Variants in PDPK1 observed in about 807,000 individuals in gnomAD.
PDPK1 encodes the protein 3-phosphoinositide dependent protein kinase 1.
A neutral mutation model predicts 39.8 loss-of-function variants in PDPK1; 7 were observed. The ratio of observed to expected loss-of-function variants is 0.18; its 90% CI spans 0.10 to 0.33. PDPK1 has a LOEUF of 0.33. Ranked by LOEUF, PDPK1 falls within the 10% of genes least tolerant of loss-of-function variation. PDPK1 has a pLI of 1.00. For synonymous variants in PDPK1, 118 were observed against 159.1 expected, an observed-to-expected ratio of 0.74 and a Z score of 1.95; for missense variants, 182 against 384.7, an observed-to-expected ratio of 0.47 and a Z score of 4.41.
intron 11 of PDPK1, among the ~76,000 whole-genome samples, chr16:2,588,812 G>A (rs905523063): frequency 1.4e-4 from 21 of 151,828 alleles, no homozygotes; most frequent in African/African-American, 4.8e-4. Flanking sequence ...GGTCAGGGCA[G>A]TTTTTTTTGT....
At position 2,601,841 on chromosome 16, in the gene PDPK1, T is replaced by A. The variant is rs2142020528; in HGVS notation, c.*4074T>A. 1 of 231,080 alleles carries A rather than the reference T, an allele frequency of 4.3e-6. No individual in the cohort carries two copies. Among genetic ancestry groups the A allele is most frequent in the South Asian group, 1.8e-4 (1 of 5,486 alleles). 14.3% of individuals were successfully genotyped at this position (231,080 alleles called of 1,614,324 possible). ...ACTCCCTGCCCACAGTGTTGCAGAT[T>A]GCCTGGCTGGCAGCAAGTCCAGACC... On this transcript the variant is annotated 3_prime_UTR_variant, in exon 14 of 14. Transcript: ENST00000342085.
chr16:2,588,630 T>C (rs1166701236), intron 11 of PDPK1, among the ~76,000 whole-genome samples: 1 of 152,142 alleles, frequency 6.6e-6, no homozygotes, highest in East Asian at 1.9e-4. Context: ...CTGCTTCCTT[T>C]GTCTTCAGGT....
intron 10 of PDPK1, among the ~76,000 whole-genome samples, chr16:2,584,898 G>C (rs1192302514): frequency 6.6e-6 from 1 of 152,206 alleles, no homozygotes; most frequent in Non-Finnish European, 1.5e-5. Context: ...CCCCCACCCT[G>C]TGTGCCACTC....
At chr16:2,552,364 T>G (rs1376313700) in intron 1 of PDPK1, among the ~76,000 whole-genome samples, 1 of 151,374 alleles carries the variant, frequency 6.6e-6, no homozygotes, top group African/African-American at 2.4e-5. Flanking sequence ...ACATATTTTA[T>G]GAAACAAAAT....
chr16:2,587,517 C>G (rs1023568699), intron 11 of PDPK1, among the ~76,000 whole-genome samples: 2 of 151,288 alleles, frequency 1.3e-5, no homozygotes, highest in Non-Finnish European at 3.0e-5. Flanking sequence ...TATTTTGCAT[C>G]TTTTTTTTTG....
At position 2,538,932 on chromosome 16, in the gene PDPK1, G is replaced by A. The variant is rs144854508; in HGVS notation, c.24+796G>A. 277 of 413,920 alleles carry A rather than the reference G, an allele frequency of 6.7e-4. 1 individual carries two copies. Among genetic ancestry groups the A allele is most frequent in the African/African-American group, 5.5e-3 (264 of 48,260 alleles). The allele number at this position is 413,920 out of a possible 1,614,324, so 25.6% of individuals were successfully genotyped here. A position where few individuals can be genotyped will look rare whatever the true frequency, so the allele number is the denominator to read the frequency against. On this transcript the variant is annotated intron_variant, in intron 1 of 13. Coordinates refer to ENST00000342085, the MANE Select transcript of PDPK1 (RefSeq NM_002613.5). ...CTAAGTTCTACAGTCTGGGGACGAC[G>A]GTTTAAAAATTTATGCCTTGTATGC... is the stretch of plus-strand genomic sequence containing the variant.
chr16:2,556,387 G>A (rs866273591), intron 1 of PDPK1, among the ~76,000 whole-genome samples: 94 of 114,448 alleles, frequency 8.2e-4, no homozygotes, highest in Non-Finnish European at 1.2e-3. Context: ...TTTTTGAGAC[G>A]AAATTTCACT....
chr16:2,580,166 C>T (rs1405590366), intron 7 of PDPK1, among the ~76,000 whole-genome samples: 1 of 145,746 alleles, frequency 6.9e-6, no homozygotes, highest in Non-Finnish European at 1.5e-5. Context: ...TGGGCGCTTC[C>T]CCAGGTCATT....
chr16:2,587,725 G>A (rs764570737), intron 11 of PDPK1, among the ~76,000 whole-genome samples: 3 of 152,136 alleles, frequency 2.0e-5, no homozygotes, highest in Non-Finnish European at 2.9e-5. Flanking sequence ...GGCCAGGCTG[G>A]TGCCTCTTTT....
intron 11 of PDPK1, among the ~76,000 whole-genome samples, chr16:2,587,328 G>A (rs552528188): frequency 3.9e-5 from 6 of 152,296 alleles, no homozygotes; most frequent in African/African-American, 1.2e-4. Flanking sequence ...GATCTGTCGC[G>A]GGGGCGCCAG....
rs1027260637 is a variant in PDPK1 at position 2,597,523 on chromosome 16, G to A, written c.1555-128G>A. 1.3e-6 allele frequency: 1 copy of A among 760,822 alleles called. No individual in the cohort carries two copies. The highest frequency in any genetic ancestry group is 2.3e-6 in the Non-Finnish European group (1 of 426,370). The allele number at this position is 760,822 out of a possible 1,614,324, so 47.1% of individuals were successfully genotyped here. ...CAGCCTGTGTAGTTGCTTACTGCTT[G>A]TGTGAATAACCGTCACACCCACGTG... On this transcript the variant is annotated intron_variant, in intron 13 of 13. Transcript: ENST00000342085. The surrounding 1 kb of genome is among the most constrained non-coding windows in gnomAD (Gnocchi z 6.3).
At chr16:2,576,969 C>T (rs2066722501) in intron 6 of PDPK1, 2 of 225,376 alleles carry the variant, frequency 8.9e-6, no homozygotes, top group Admixed American at 1.0e-4. Flanking sequence ...GTCACAGCTC[C>T]TCTGTGGAGG....
chr16:2,597,000 G>T, intron 12 of PDPK1, 123 bp from the exon 13 acceptor site: 1 of 614,090 alleles, frequency 1.6e-6, no homozygotes, highest in Non-Finnish European at 2.7e-6. Context: ...CTGGGTGAGT[G>T]CACAGGTGGT....
intron 12 of PDPK1, 137 bp downstream of exon 12, chr16:2,595,987 C>T (rs1003865542): frequency 9.2e-6 from 7 of 759,420 alleles, no homozygotes; most frequent in Non-Finnish European, 1.6e-5. Flanking sequence ...GATTTCATAG[C>T]TCGGGAAGGC....
At chr16:2,539,689 G>A (rs1205349430) in intron 1 of PDPK1, among the ~76,000 whole-genome samples, 4 of 152,216 alleles carry the variant, frequency 2.6e-5, no homozygotes, top group South Asian at 4.2e-4. Flanking sequence ...TGAATTAGGC[G>A]GATTGGCCAG....
chr16:2,552,478 G>A (rs1186175193), intron 1 of PDPK1, among the ~76,000 whole-genome samples: 1 of 151,506 alleles, frequency 6.6e-6, no homozygotes, highest in Admixed American at 6.6e-5. Flanking sequence ...TGGGGGCTCG[G>A]GCTGGGGCTG....
In PDPK1 at chr16:2,599,509, G is replaced by C. The variant is rs956314334; in HGVS notation, c.*1742G>C. 4 of 232,924 alleles carry C rather than the reference G, an allele frequency of 1.7e-5. No individual in the cohort carries two copies. Among genetic ancestry groups the C allele is most frequent in the African/African-American group, 4.4e-5 (2 of 45,300 alleles). The allele number at this position is 232,924 out of a possible 1,614,324, so 14.4% of individuals were successfully genotyped here. The stretch of plus-strand genomic sequence containing the variant: ...CTGCTGCTGTGTGAGAGCTGCATGT[G>C]AGCCTGTGACCGTGAGCTGGGGTGA... On this transcript the variant is annotated 3_prime_UTR_variant, in exon 14 of 14. Transcript: ENST00000342085.
chr16:2,538,581 G>C (rs1236100590), intron 1 of PDPK1: 1 of 1,282,874 alleles, frequency 7.8e-7, no homozygotes, highest in African/African-American at 1.5e-5. Context: ...GCAAGTTCTT[G>C]CTGAAAGCAC....
chr16:2,586,989 C>A, intron 11 of PDPK1, 96 bp downstream of exon 11: 1 of 1,038,690 alleles, frequency 9.6e-7, no homozygotes, highest in Non-Finnish European at 1.5e-6. Context: ...CACTGCCTCC[C>A]TCAGCAGCCT....
Sources: gnomAD v4.1 joint callset for allele counts (sites outside exome capture counted in the v4.1 genomes callset) on GRCh38, gnomAD v4.1.1 for gene constraint, Gnocchi (gnomAD v3.1) non-coding constraint, MANE v1.5 for transcripts, NCBI Gene and HGNC (gene_info 2026-07-23, HGNC 2026-07-21) for gene names.